Variants in NUFIP1 observed in about 807,000 individuals in gnomAD.
NUFIP1 encodes the protein nuclear FMR1 interacting protein 1.
In NUFIP1, 38 loss-of-function variants were observed where a neutral mutation model predicts 56.2. The observed-to-expected ratio is 0.68, with a 90% CI of 0.52 to 0.89. The LOEUF is 0.89. Among genes scored for constraint, NUFIP1 ranks in the 40% least tolerant of loss-of-function variants. The probability of loss-of-function intolerance (pLI) is 0.00; values close to 1 mark genes in which losing one functional copy is unlikely to be tolerated. For missense variants in NUFIP1, 567 were observed against 605.8 expected, an observed-to-expected ratio of 0.94 and a Z score of 0.67; for synonymous variants, 215 against 212.4, an observed-to-expected ratio of 1.01 and a Z score of -0.10.
At chr13:44,962,447 T>C (rs1312223356) in intron 6 of NUFIP1, among the ~76,000 whole-genome samples, 1 of 152,240 alleles carries the variant, frequency 6.6e-6, no homozygotes, top group Non-Finnish European at 1.5e-5. Flanking sequence ...TTACTCGAGC[T>C]TTCTTAGTTG....
At chr13:44,972,372 T>C (rs1337593784) in intron 5 of NUFIP1, among the ~76,000 whole-genome samples, 1 of 152,184 alleles carries the variant, frequency 6.6e-6, no homozygotes, top group Non-Finnish European at 1.5e-5. Flanking sequence ...AACTTTCAAA[T>C]GCAGACTAAA....
intron 1 of NUFIP1, 126 bp downstream of exon 1, chr13:44,988,899 G>C (rs1490425394): frequency 1.3e-5 from 12 of 909,110 alleles, no homozygotes; most frequent in Admixed American, 3.1e-5. Context: ...TTTGCTTTGA[G>C]ATGCTAATGA....
In NUFIP1 at chr13:44,943,436, A is replaced by AT. The variant is rs370733483; in HGVS notation, c.1371+5dup. The AT allele has an allele frequency of 5.7e-5, 91 of 1,609,866 alleles. No homozygotes were observed. The highest frequency in any genetic ancestry group is 5.4e-4 in the African/African-American group (40 of 74,740). On this transcript the variant is annotated splice_donor_region_variant and intron_variant, in intron 9 of 9. Transcript: ENST00000379161. ...AAAGATTAGAACCTAAAGAAAAATAATTTACCATTTCCAAGAGATATGGAT... is the reference window on the plus strand; with the variant it reads ...AAAGATTAGAACCTAAAGAAAAATAATTTTACCATTTCCAAGAGATATGGAT...
intron 7 of NUFIP1, among the ~76,000 whole-genome samples, chr13:44,956,158 A>AAAAAAAAAG (rs754747222): frequency 1.3e-5 from 2 of 150,932 alleles, no homozygotes; most frequent in Non-Finnish European, 1.5e-5. Context: ...AAAAAAAAAA[A>AAAAAAAAAG]AAAAGAATCT....
chr13:44,959,783 A>C (rs1171862657), intron 6 of NUFIP1, among the ~76,000 whole-genome samples: 1 of 152,116 alleles, frequency 6.6e-6, no homozygotes, highest in African/African-American at 2.4e-5. Context: ...GCACCCCACA[A>C]TATACCACAC....
At chr13:44,951,675 G>A (rs1370543198) in intron 7 of NUFIP1, among the ~76,000 whole-genome samples, 1 of 152,158 alleles carries the variant, frequency 6.6e-6, no homozygotes, top group Non-Finnish European at 1.5e-5. Flanking sequence ...TTTGGTTCCA[G>A]ACCACTGCAA....
chr13:44,947,384 G>A (rs548781080), intron 8 of NUFIP1, among the ~76,000 whole-genome samples: 7 of 151,762 alleles, frequency 4.6e-5, no homozygotes, highest in South Asian at 4.2e-4. Context: ...GATTACAGGC[G>A]CACACCACCA....
chr13:44,956,978 A>G (rs1013386454), intron 7 of NUFIP1, among the ~76,000 whole-genome samples: 1 of 152,178 alleles, frequency 6.6e-6, no homozygotes, highest in Non-Finnish European at 1.5e-5. Flanking sequence ...AACTTAAGCT[A>G]CCATAATTTG....
At chr13:44,963,665 TG>T (rs1380693279) in intron 6 of NUFIP1, among the ~76,000 whole-genome samples, 3 of 152,252 alleles carry the variant, frequency 2.0e-5, no homozygotes, top group African/African-American at 7.2e-5. Flanking sequence ...TTTGTTAATG[TG>T]ATAAATAAAC....
intron 5 of NUFIP1, among the ~76,000 whole-genome samples, chr13:44,972,782 T>C (rs1275173082): frequency 6.6e-6 from 1 of 152,204 alleles, no homozygotes; most frequent in Non-Finnish European, 1.5e-5. Context: ...CTTCAGTTAC[T>C]TGTAGTCTTA....
At chr13:44,986,429 C>T (rs1283665077) in intron 1 of NUFIP1, among the ~76,000 whole-genome samples, 3 of 152,106 alleles carry the variant, frequency 2.0e-5, no homozygotes, top group African/African-American at 4.8e-5. Flanking sequence ...CAGTGGCTCA[C>T]GCCTATAATC....
At chr13:44,982,843 C>CA (rs1199537229) in intron 1 of NUFIP1, among the ~76,000 whole-genome samples, 2 of 151,946 alleles carry the variant, frequency 1.3e-5, no homozygotes, top group African/African-American at 4.8e-5. Context: ...CCCATCTCTA[C>CA]AAAAAAATTT....
At chr13:44,978,587 A>C (rs1223162528) in intron 5 of NUFIP1, among the ~76,000 whole-genome samples, 1 of 152,172 alleles carries the variant, frequency 6.6e-6, no homozygotes, top group African/African-American at 2.4e-5. Flanking sequence ...TAAGTGTAAA[A>C]CCACAGGTTA....
chr13:44,974,347 T>C (rs535286610), intron 5 of NUFIP1, among the ~76,000 whole-genome samples: 5 of 151,984 alleles, frequency 3.3e-5, no homozygotes, highest in South Asian at 2.1e-4. Context: ...CGAAGTGAAA[T>C]AGGCTGGGTA....
intron 5 of NUFIP1, among the ~76,000 whole-genome samples, chr13:44,969,862 ATAGT>A (rs1395281131): frequency 6.6e-6 from 1 of 152,190 alleles, no homozygotes; most frequent in Non-Finnish European, 1.5e-5. Flanking sequence ...TCTATAAAAC[ATAGT>A]TACTCTTCCC....
chr13:44,968,646 C>T (rs1871699073), intron 5 of NUFIP1, among the ~76,000 whole-genome samples: 4 of 152,050 alleles, frequency 2.6e-5, no homozygotes, highest in South Asian at 2.1e-4. Flanking sequence ...CTCACAGTGG[C>T]GAGACATGTA....
chr13:44,949,889 G>T, intron 7 of NUFIP1, 51 bp from the exon 8 acceptor site: 1 of 1,136,728 alleles, frequency 8.8e-7, no homozygotes, highest in Non-Finnish European at 1.3e-6. Context: ...TAAAAAAGCT[G>T]TCCATCCCCC....
intron 7 of NUFIP1, among the ~76,000 whole-genome samples, chr13:44,956,904 T>C (rs1379532607): frequency 1.3e-5 from 2 of 152,074 alleles, no homozygotes; most frequent in Non-Finnish European, 2.9e-5. Context: ...ATTTGGAAAA[T>C]GTCAAAGTCC....
chr13:44,983,206 G>A (rs746166255), intron 1 of NUFIP1, among the ~76,000 whole-genome samples: 9 of 151,778 alleles, frequency 5.9e-5, no homozygotes, highest in East Asian at 3.9e-4. Context: ...ATGCAGTTTC[G>A]CTCTTGTTGG....
Sources: gnomAD v4.1 joint callset for allele counts (sites outside exome capture counted in the v4.1 genomes callset) on GRCh38, gnomAD v4.1.1 for gene constraint, MANE v1.5 for transcripts, NCBI Gene and HGNC (gene_info 2026-07-23, HGNC 2026-07-21) for gene names.